Variants in TMEM163 observed in about 807,000 individuals in gnomAD.
TMEM163 encodes the protein transmembrane protein 163.
A neutral mutation model predicts 29.3 loss-of-function variants in TMEM163; 17 were observed. The ratio of observed to expected loss-of-function variants is 0.58; its 90% confidence interval spans 0.40 to 0.87. TMEM163 has a LOEUF of 0.87. TMEM163 is among the 40% of genes least tolerant of loss of function. The pLI is 0.00. For missense variants in TMEM163, 303 were observed against 381.5 expected (o/e 0.79, Z 1.71); for synonymous variants, 157 against 160.6 (o/e 0.98, Z 0.17).
intron 2 of TMEM163, among the ~76,000 whole-genome samples, chr2:134,603,384 T>C (rs1401060339): frequency 1.3e-5 from 2 of 152,232 alleles, no homozygotes; most frequent in Admixed American, 6.5e-5. Flanking sequence ...TGAGGAATTT[T>C]ATGGAAGTAA....
chr2:134,656,304 C>G (rs966238675), intron 2 of TMEM163, among the ~76,000 whole-genome samples: 1 of 151,386 alleles, frequency 6.6e-6, no homozygotes, highest in Admixed American at 6.6e-5. Context: ...GGGAGTGACC[C>G]GATTTTCCAG....
intron 2 of TMEM163, among the ~76,000 whole-genome samples, chr2:134,573,586 AC>A (rs1574248630): frequency 6.6e-6 from 1 of 152,046 alleles, no homozygotes; most frequent in Non-Finnish European, 1.5e-5. Flanking sequence ...AGGCTGACAA[AC>A]TCCCTTCTAG....
At chr2:134,635,802 A>G (rs1349909428) in intron 2 of TMEM163, among the ~76,000 whole-genome samples, 1 of 152,170 alleles carries the variant, frequency 6.6e-6, no homozygotes, top group African/African-American at 2.4e-5. Context: ...CAGGGGCAAG[A>G]TCGGCAAAAG....
intron 5 of TMEM163, among the ~76,000 whole-genome samples, chr2:134,487,096 T>A (rs950678426): frequency 6.6e-6 from 1 of 152,112 alleles, no homozygotes. Flanking sequence ...CAGAAGGATA[T>A]AGGATAGCAC....
rs139731740 is a variant in TMEM163 at position 134,545,643 on chromosome 2, C to T, written c.458+4927G>A. Among the ~76,000 whole-genome samples, 67 of 152,280 alleles carry T rather than the reference C, an allele frequency of 4.4e-4. 1 individual carries two copies. The South Asian group carries it at 8.9e-3, about 20-fold the overall frequency. ...TCACCTCCTCCCCAAATTCTACACACATTCCTGGTAACTTAAATCTCAAAT... is the reference window on the plus strand; with the variant it reads ...TCACCTCCTCCCCAAATTCTACACATATTCCTGGTAACTTAAATCTCAAAT... On this transcript the variant is annotated intron_variant, in intron 4 of 7. Coordinates refer to ENST00000281924, the MANE Select transcript of TMEM163 (RefSeq NM_030923.5).
At chr2:134,585,517 C>T (rs1681794622) in intron 2 of TMEM163, among the ~76,000 whole-genome samples, 8 of 152,138 alleles carry the variant, frequency 5.3e-5, no homozygotes, top group Admixed American at 4.6e-4. Flanking sequence ...CCGAGGCGGG[C>T]AGATTACGAG....
intron 2 of TMEM163, among the ~76,000 whole-genome samples, chr2:134,692,991 G>A (rs1275349507): frequency 1.3e-5 from 2 of 152,020 alleles, no homozygotes; most frequent in African/African-American, 2.4e-5. Flanking sequence ...CCAGTTGCAG[G>A]TTTCCAACTG....
intron 2 of TMEM163, among the ~76,000 whole-genome samples, chr2:134,650,685 C>T: frequency 7.4e-6 from 1 of 135,916 alleles, no homozygotes; most frequent in East Asian, 2.1e-4. Context: ...CAATGCTATC[C>T]CTCACCCCTC....
rs535951297 is a variant in TMEM163, at chr2:134,504,976, G to A, written c.459-1979C>T. Among the ~76,000 whole-genome samples, 3 of 152,252 alleles carry A rather than the reference G, an allele frequency of 2.0e-5. No homozygotes were observed. In the South Asian group the frequency reaches 6.2e-4, roughly 32 times the overall value. Reference sequence around the variant, plus strand: ...GCACTTGCCTCCTGTTTGGAAGACAGTTCTGGACCAGCTGTGCCAGGGACC... The same window carrying A: ...GCACTTGCCTCCTGTTTGGAAGACAATTCTGGACCAGCTGTGCCAGGGACC... On this transcript the variant is annotated intron_variant, in intron 4 of 7. Coordinates refer to ENST00000281924, the MANE Select transcript of TMEM163 (RefSeq NM_030923.5).
chr2:134,632,949 A>T (rs1461782059), intron 2 of TMEM163, among the ~76,000 whole-genome samples: 1 of 147,108 alleles, frequency 6.8e-6, no homozygotes, highest in Non-Finnish European at 1.5e-5. Flanking sequence ...TAGTAGAGAC[A>T]AGGTTTCACC....
At chr2:134,469,909 G>T (rs1348908414) in intron 5 of TMEM163, 1 of 152,384 alleles carries the variant, frequency 6.6e-6, no homozygotes, top group African/African-American at 2.4e-5. Context: ...CTGACTGCAC[G>T]GCTGCTGACT....
intron 2 of TMEM163, 119 bp from the exon 3 acceptor site, chr2:134,552,210 A>C: frequency 1.4e-6 from 1 of 696,516 alleles, no homozygotes; most frequent in Non-Finnish European, 2.3e-6. Flanking sequence ...ACAAAACCAA[A>C]AATTAACTGT....
chr2:134,485,485 C>A (rs1230694493), intron 5 of TMEM163, among the ~76,000 whole-genome samples: 1 of 152,120 alleles, frequency 6.6e-6, no homozygotes, highest in Non-Finnish European at 1.5e-5. Context: ...ATTACAGGAA[C>A]TGCGTAAGTG....
intron 2 of TMEM163, among the ~76,000 whole-genome samples, chr2:134,561,808 C>T (rs1380630161): frequency 6.6e-6 from 1 of 152,180 alleles, no homozygotes; most frequent in South Asian, 2.1e-4. Flanking sequence ...TGAGTAGCCA[C>T]GCTCAACTAA....
rs3039625 is a variant in TMEM163 at position 134,612,542 on chromosome 2, A to AACACACACACACACACACACAC, written c.323-60473_323-60452dup. Among the ~76,000 whole-genome samples the AACACACACACACACACACACAC allele has an allele frequency of 8.8e-4, 124 of 140,648 alleles. 1 individual carries two copies. The highest frequency in any genetic ancestry group is 2.8e-3 in the African/African-American group (105 of 36,998). 92.3% of individuals were successfully genotyped at this position (140,648 alleles called of 152,430 possible). A position where few individuals can be genotyped will look rare whatever the true frequency, so the allele number is the denominator to read the frequency against. ...CAGAACACTAATGAAGGTTTGCCCC[A>AACACACACACACACACACACAC]ACACACACACACACACACACACACA... is the stretch of plus-strand genomic sequence containing the variant. On this transcript the variant is annotated intron_variant, in intron 2 of 7. Transcript: ENST00000281924.
chr2:134,480,414 C>CT (rs369744144), intron 5 of TMEM163, among the ~76,000 whole-genome samples: 6 of 151,852 alleles, frequency 4.0e-5, no homozygotes, highest in Non-Finnish European at 8.8e-5. Flanking sequence ...GATCTTTCTT[C>CT]TTTTTTTTAA....
chr2:134,583,938 A>G (rs1006609983), intron 2 of TMEM163, among the ~76,000 whole-genome samples: 7 of 152,106 alleles, frequency 4.6e-5, no homozygotes, highest in Non-Finnish European at 7.4e-5. Context: ...TTTTCTCCAT[A>G]GCATCCCTCA....
chr2:134,514,090 G>C (rs1240814057), intron 4 of TMEM163, among the ~76,000 whole-genome samples: 1 of 152,182 alleles, frequency 6.6e-6, no homozygotes, highest in Non-Finnish European at 1.5e-5. Flanking sequence ...GGCTTGCTGA[G>C]GTTAAAGAAG....
intron 2 of TMEM163, among the ~76,000 whole-genome samples, chr2:134,595,265 C>A (rs570997349): frequency 1.3e-5 from 2 of 152,022 alleles, no homozygotes; most frequent in South Asian, 4.2e-4. Context: ...CCTCCCCACT[C>A]CCCCCAACCC....
Sources: allele counts gnomAD v4.1 joint callset (sites outside exome capture counted in the v4.1 genomes callset), GRCh38; gene constraint gnomAD v4.1.1; transcripts MANE v1.5; gene names NCBI Gene and HGNC (gene_info 2026-07-23, HGNC 2026-07-21).